Variants in GPC5 observed in about 807,000 individuals in gnomAD.
GPC5 encodes the protein glypican 5, also known as glypican-5.
GPC5 carries 47 observed loss-of-function variants against 53.9 expected under a neutral mutation model. The observed-to-expected ratio is 0.87, with a 90% CI of 0.69 to 1.11. The LOEUF is 1.11. Among genes scored for constraint, GPC5 ranks in the 50% most tolerant of loss-of-function variants. The pLI is 0.00. For missense variants in GPC5, 748 were observed against 713.1 expected (o/e 1.05, Z -0.56); for synonymous variants, 286 against 263.3 (o/e 1.09, Z -0.84).
intron 7 of GPC5, among the ~76,000 whole-genome samples, chr13:92,662,074 A>G (rs1239097770): frequency 1.3e-5 from 2 of 152,186 alleles, no homozygotes; most frequent in African/African-American, 4.8e-5. Flanking sequence ...TGCTATACAT[A>G]TATTTGCTTG....
At chr13:91,495,851 CG>C (rs1884225283) in intron 2 of GPC5, among the ~76,000 whole-genome samples, 1 of 152,010 alleles carries the variant, frequency 6.6e-6, no homozygotes, top group South Asian at 2.1e-4. Flanking sequence ...GGTGAAACCC[CG>C]TTTCTACTAA....
At chr13:92,400,739 G>C (rs564939465) in intron 7 of GPC5, among the ~76,000 whole-genome samples, 16 of 152,170 alleles carry the variant, frequency 1.1e-4, no homozygotes, top group African/African-American at 3.9e-4. Context: ...TGCTAGTAAG[G>C]GTTCAGAAAT....
At chr13:91,555,467 G>GA (rs2030891309) in intron 2 of GPC5, among the ~76,000 whole-genome samples, 2 of 151,340 alleles carry the variant, frequency 1.3e-5, no homozygotes, top group African/African-American at 2.4e-5. Flanking sequence ...TTTTCTGGGG[G>GA]CGAGTACAGA....
chr13:92,420,553 AC>A (rs1262464063), intron 7 of GPC5, among the ~76,000 whole-genome samples: 1 of 152,116 alleles, frequency 6.6e-6, no homozygotes, highest in East Asian at 1.9e-4. Flanking sequence ...GACTATAGTC[AC>A]CCTGTTGTGC....
chr13:91,425,529 A>G (rs201841843), intron 1 of GPC5, among the ~76,000 whole-genome samples: 3 of 151,994 alleles, frequency 2.0e-5, no homozygotes, highest in East Asian at 3.9e-4. Context: ...TTCACTGTTC[A>G]CTGTTCTCTC....
intron 7 of GPC5, among the ~76,000 whole-genome samples, chr13:92,732,428 G>A (rs1888832876): frequency 6.6e-6 from 1 of 151,434 alleles, no homozygotes; most frequent in Admixed American, 6.6e-5. Context: ...TGTGCTTCAT[G>A]TTTTAAAATT....
chr13:91,445,232 CT>C (rs138146592), intron 1 of GPC5, among the ~76,000 whole-genome samples: 1,772 of 152,316 alleles, frequency 0.012, 15 homozygotes, highest in Non-Finnish European at 0.019. Context: ...TATTATTACT[CT>C]TGTGCTTTGG....
intron 7 of GPC5, among the ~76,000 whole-genome samples, chr13:92,603,010 T>C (rs1164993001): frequency 6.6e-6 from 1 of 152,184 alleles, no homozygotes; most frequent in Non-Finnish European, 1.5e-5. Flanking sequence ...TGCAAAGTGT[T>C]GCCTGCCTAG....
chr13:92,267,029 A>G (rs73629647), intron 7 of GPC5, among the ~76,000 whole-genome samples: 272 of 152,150 alleles, frequency 1.8e-3, no homozygotes, highest in African/African-American at 6.0e-3. Flanking sequence ...TTTCTTTGCT[A>G]AAATTGAGTC....
intron 7 of GPC5, among the ~76,000 whole-genome samples, chr13:92,368,502 G>A (rs754103219): frequency 1.1e-4 from 17 of 150,948 alleles, no homozygotes; most frequent in East Asian, 2.0e-4. Context: ...AAATTAGCCC[G>A]GCATTGTGGC....
intron 6 of GPC5, among the ~76,000 whole-genome samples, chr13:92,084,278 AT>A (rs1296338063): frequency 1.3e-5 from 2 of 152,054 alleles, no homozygotes; most frequent in Non-Finnish European, 2.9e-5. Flanking sequence ...CCAGAACTTA[AT>A]TTTTTTTAAA....
At chr13:92,760,352 C>T (rs545280586) in intron 7 of GPC5, among the ~76,000 whole-genome samples, 12 of 152,120 alleles carry the variant, frequency 7.9e-5, no homozygotes, top group African/African-American at 1.2e-4. Flanking sequence ...ACTTTAATGT[C>T]TTTGTTATTG....
chr13:92,278,937 A>C (rs997848598), intron 7 of GPC5, among the ~76,000 whole-genome samples: 2 of 151,956 alleles, frequency 1.3e-5, no homozygotes, highest in African/African-American at 4.8e-5. Context: ...CTTTCTAATA[A>C]GTTTTGAAAT....
chr13:91,784,099 C>G (rs1049605052), intron 5 of GPC5, among the ~76,000 whole-genome samples: 1 of 152,092 alleles, frequency 6.6e-6, no homozygotes, highest in Admixed American at 6.5e-5. Flanking sequence ...ATTAGACACT[C>G]TGTGAACAGA....
intron 7 of GPC5, among the ~76,000 whole-genome samples, chr13:92,589,028 A>G (rs1437068252): frequency 6.6e-6 from 1 of 152,184 alleles, no homozygotes; most frequent in Non-Finnish European, 1.5e-5. Flanking sequence ...GTTATGTCTC[A>G]AGGGAAGAAA....
intron 7 of GPC5, among the ~76,000 whole-genome samples, chr13:92,434,226 A>G (rs1877209897): frequency 1.3e-5 from 2 of 152,198 alleles, no homozygotes; most frequent in African/African-American, 4.8e-5. Context: ...CTAATGTGCA[A>G]GCCTAAAGTT....
chr13:91,775,403 A>G lies in GPC5; in HGVS notation c.1280+18983A>G, dbSNP rs536348906. Among the ~76,000 whole-genome samples the G allele has an allele frequency of 3.3e-4, 50 of 152,186 alleles. 1 individual carries two copies. In the South Asian group the frequency reaches 0.01, roughly 32 times the overall value. ...GGTTTTTATAACAGATTCCTAACCT[A>G]TCGATCTGCTACCTCCCTTGCAAAC... On this transcript the variant is annotated intron_variant, in intron 5 of 7. Coordinates refer to ENST00000377067, the MANE Select transcript of GPC5 (RefSeq NM_004466.6).
chr13:92,697,930 C>T (rs1305786349), intron 7 of GPC5, among the ~76,000 whole-genome samples: 1 of 152,082 alleles, frequency 6.6e-6, no homozygotes, highest in Non-Finnish European at 1.5e-5. Flanking sequence ...TGTCTAAGGC[C>T]TTTACTGTAT....
chr13:92,765,693 G>T (rs1375467638), intron 7 of GPC5, among the ~76,000 whole-genome samples: 1 of 152,062 alleles, frequency 6.6e-6, no homozygotes, highest in Non-Finnish European at 1.5e-5. Flanking sequence ...ATTCAAAATT[G>T]CATATGTGAC....
Sources: gnomAD v4.1 joint callset for allele counts (sites outside exome capture counted in the v4.1 genomes callset) on GRCh38, gnomAD v4.1.1 for gene constraint, MANE v1.5 for transcripts, NCBI Gene and HGNC (gene_info 2026-07-23, HGNC 2026-07-21) for gene names.